ARID1B: variants seen among roughly 807,000 people sequenced by gnomAD.
ARID1B encodes the protein AT-rich interaction domain 1B, also known as AT-rich interactive domain-containing protein 1B.
ARID1B carries 30 observed loss-of-function variants against 212.3 expected under a neutral mutation model. The observed-to-expected ratio is 0.14, with a 90% CI of 0.11 to 0.19. The LOEUF (loss-of-function observed/expected upper bound fraction) is 0.19, where lower values mean the gene tolerates loss of function less well. Ranked by LOEUF, ARID1B falls within the 10% of genes least tolerant of loss-of-function variation. ARID1B has a pLI of 1.00. For missense variants in ARID1B, 2,891 were observed against 3,204.0 expected, an observed-to-expected ratio of 0.90 and a Z score of 2.36; for synonymous variants, 1,402 against 1,301.7, an observed-to-expected ratio of 1.08 and a Z score of -1.66.
At chr6:156,992,577 C>T (rs970667760) in intron 4 of ARID1B, among the ~76,000 whole-genome samples, 6 of 152,210 alleles carry the variant, frequency 3.9e-5, no homozygotes, top group East Asian at 1.9e-4. Flanking sequence ...AGGGGACAGA[C>T]GGCTAGCACC....
intron 3 of ARID1B, 98 bp downstream of exon 3, chr6:156,901,623 G>C (rs1562472197): frequency 8.5e-6 from 12 of 1,417,390 alleles, no homozygotes; most frequent in Non-Finnish European, 1.0e-5. Context: ...ATTATGTTCT[G>C]GTGGAAAAAA....
At chr6:157,004,949 G>A (rs1779153864) in intron 4 of ARID1B, among the ~76,000 whole-genome samples, 1 of 90,522 alleles carries the variant, frequency 1.1e-5, no homozygotes. Flanking sequence ...GCCTTGCTCT[G>A]TTGTCCAGGC....
Position 157,199,693 on chromosome 6 carries a change from A to G in ARID1B, c.4479+786A>G, listed in dbSNP as rs138544787. Among the ~76,000 whole-genome samples, 68 of 151,800 alleles carry G rather than the reference A, an allele frequency of 4.5e-4. No homozygotes were observed. In the East Asian group the frequency reaches 0.013, roughly 29 times the overall value. ...GAATTGCTTTTTTTCTTTTTTTGAG[A>G]TGGAGTCTCGCTCTGTCTGGAATCC... On this transcript the variant is annotated intron_variant, in intron 17 of 19. Coordinates refer to ENST00000636930, the MANE Select transcript of ARID1B (RefSeq NM_001374828.1).
At chr6:156,913,133 T>TG (rs1790036429) in intron 3 of ARID1B, among the ~76,000 whole-genome samples, 3 of 151,998 alleles carry the variant, frequency 2.0e-5, no homozygotes, top group African/African-American at 7.2e-5. Context: ...TGAGTACATC[T>TG]AGCTAATTAA....
At chr6:156,815,399 G>T (rs1017791904) in intron 1 of ARID1B, among the ~76,000 whole-genome samples, 6 of 152,162 alleles carry the variant, frequency 3.9e-5, no homozygotes, top group Non-Finnish European at 8.8e-5. Context: ...AGTGTAATTA[G>T]CATGAAACAC....
intron 1 of ARID1B, among the ~76,000 whole-genome samples, chr6:156,786,291 A>C (rs1224898601): frequency 1.3e-5 from 2 of 151,984 alleles, no homozygotes; most frequent in Non-Finnish European, 2.9e-5. Context: ...GTCCTTTTCC[A>C]TAGTGTTCTC....
chr6:156,805,176 G>C lies in ARID1B; in HGVS notation c.1792-24051G>C, dbSNP rs17087777. On this transcript the variant is annotated intron_variant, in intron 1 of 19. Coordinates refer to ENST00000636930, the MANE Select transcript of ARID1B (RefSeq NM_001374828.1). ...TCAGTAGGCCAAGTTAGAGATTCTG[G>C]GTTGGGCCCTAGTTTTTCAGGGATG... Among the ~76,000 whole-genome samples, 804 of 152,274 alleles carry C rather than the reference G, an allele frequency of 5.3e-3. 45 individuals carry two copies. In the East Asian group the frequency reaches 0.14, roughly 26 times the overall value.
At position 156,973,982 on chromosome 6, in the gene ARID1B, T is replaced by C. The variant is rs6557513; in HGVS notation, c.2247+38406T>C. Among the ~76,000 whole-genome samples, 1,294 of 152,310 alleles carry C rather than the reference T, an allele frequency of 8.5e-3. 23 individuals are homozygous for C. The highest frequency in any genetic ancestry group is 0.03 in the African/African-American group (1,249 of 41,556). On this transcript the variant is annotated intron_variant, in intron 4 of 19. Transcript: ENST00000636930. ...GGTTTTCTACAACATTTTGCTAGGCTAATTTAGGTGTGATTTCCCAAAGGG... is the reference window on the plus strand; with the variant it reads ...GGTTTTCTACAACATTTTGCTAGGCCAATTTAGGTGTGATTTCCCAAAGGG...
chr6:156,813,329 G>T (rs1296355173), intron 1 of ARID1B, among the ~76,000 whole-genome samples: 1 of 151,126 alleles, frequency 6.6e-6, no homozygotes, highest in African/African-American at 2.4e-5. Context: ...GCCCAGGCTG[G>T]TCTCGAACTC....
At chr6:157,048,114 A>G (rs1045264481) in intron 4 of ARID1B, among the ~76,000 whole-genome samples, 4 of 152,200 alleles carry the variant, frequency 2.6e-5, no homozygotes, top group African/African-American at 4.8e-5. Context: ...CTCCTGCCTT[A>G]AATTTGGCTT....
At chr6:156,914,712 A>G (rs911450630) in intron 3 of ARID1B, among the ~76,000 whole-genome samples, 1 of 152,152 alleles carries the variant, frequency 6.6e-6, no homozygotes, top group African/African-American at 2.4e-5. Context: ...GCAGGTAATC[A>G]CTAATTTGAA....
intron 2 of ARID1B, among the ~76,000 whole-genome samples, chr6:156,852,451 C>T (rs1305135130): frequency 1.4e-5 from 2 of 147,818 alleles, no homozygotes; most frequent in Non-Finnish European, 3.0e-5. Flanking sequence ...ACTCTGTTTC[C>T]CTGTCTCTTA....
chr6:157,170,535 G>GA (rs1463182847), intron 9 of ARID1B, among the ~76,000 whole-genome samples: 2 of 152,164 alleles, frequency 1.3e-5, no homozygotes, highest in Non-Finnish European at 2.9e-5. Context: ...AAAGGGTTTT[G>GA]ATAAGTTATG....
chr6:156,978,804 A>G (rs1162443586), intron 4 of ARID1B, among the ~76,000 whole-genome samples: 1 of 152,200 alleles, frequency 6.6e-6, no homozygotes, highest in Non-Finnish European at 1.5e-5. Context: ...CCAGTAGACT[A>G]TATTTAAATG....
chr6:156,816,739 G>T (rs867500091), intron 1 of ARID1B, among the ~76,000 whole-genome samples: 2 of 152,204 alleles, frequency 1.3e-5, no homozygotes, highest in African/African-American at 4.8e-5. Flanking sequence ...CATCGGCTTG[G>T]TGGTGCATAA....
At position 157,045,796 on chromosome 6, in the gene ARID1B, G is replaced by A. The variant is rs542495967; in HGVS notation, c.2248-38866G>A. ...GTTCAAAACCTTTAGAGCAGTAGAG[G>A]ACCAAGTTTATTCCATACTGTTTCA... On this transcript the variant is annotated intron_variant, in intron 4 of 19. Transcript: ENST00000636930. Among the ~76,000 whole-genome samples the A allele has an allele frequency of 2.6e-5, 4 of 152,038 alleles. No homozygotes were observed. In the South Asian group the frequency reaches 6.2e-4, roughly 24 times the overall value.
intron 3 of ARID1B, among the ~76,000 whole-genome samples, chr6:156,933,241 T>A (rs937584991): frequency 6.8e-6 from 1 of 146,888 alleles, no homozygotes; most frequent in East Asian, 2.0e-4. Flanking sequence ...AAGTTTACTT[T>A]AAAAAAAAAA....
chr6:157,045,278 A>G (rs1782159794), intron 4 of ARID1B, among the ~76,000 whole-genome samples: 1 of 152,218 alleles, frequency 6.6e-6, no homozygotes, highest in South Asian at 2.1e-4. Flanking sequence ...CTACCAATAT[A>G]GTATTTTGGA....
chr6:156,834,337 TTGACTAA>T (rs1188211593), intron 2 of ARID1B, among the ~76,000 whole-genome samples: 1 of 152,178 alleles, frequency 6.6e-6, no homozygotes, highest in Non-Finnish European at 1.5e-5. Flanking sequence ...GATAGATAAC[TTGACTAA>T]GTATAATGGA....
Sources: gnomAD v4.1 joint callset for allele counts (sites outside exome capture counted in the v4.1 genomes callset) on GRCh38, gnomAD v4.1.1 for gene constraint, MANE v1.5 for transcripts, NCBI Gene and HGNC (gene_info 2026-07-23, HGNC 2026-07-21) for gene names.